CXADR: variants seen among roughly 807,000 people sequenced by gnomAD.
CXADR encodes the protein CXADR cell adhesion molecule.
Under a neutral mutation model 40.3 loss-of-function variants are expected in CXADR, and 20 were observed. The observed-to-expected ratio is 0.50, with a 90% CI of 0.35 to 0.72. The LOEUF (loss-of-function observed/expected upper bound fraction) is 0.72. Ranked by LOEUF, CXADR falls within the 30% of genes least tolerant of loss-of-function variation. The pLI, the probability that CXADR is intolerant of heterozygous loss-of-function variation, is 0.01. For synonymous variants in CXADR, 150 were observed against 161.3 expected, an observed-to-expected ratio of 0.93 and a Z score of 0.53; for missense variants, 332 against 449.1, an observed-to-expected ratio of 0.74 and a Z score of 2.36.
intron 1 of CXADR, among the ~76,000 whole-genome samples, chr21:17,520,230 G>A (rs2060513951): frequency 1.3e-5 from 2 of 152,100 alleles, no homozygotes; most frequent in African/African-American, 4.8e-5. Context: ...ACATGACATT[G>A]CAAGTTGCAA....
the CXADR span, among the ~76,000 whole-genome samples, chr21:17,614,486 G>A: frequency 1.3e-5 from 2 of 152,174 alleles, no homozygotes; most frequent in South Asian, 2.1e-4. Context: ...GCTCATGCCT[G>A]TAATCCAGTA....
intron 3 of CXADR, among the ~76,000 whole-genome samples, chr21:17,556,858 G>A (rs561419735): frequency 1.3e-5 from 2 of 152,306 alleles, no homozygotes; most frequent in East Asian, 3.9e-4. Context: ...GGTCATGGTT[G>A]ATAACCTTAG....
intron 1 of CXADR, among the ~76,000 whole-genome samples, chr21:17,529,104 T>C (rs2123155888): frequency 6.7e-6 from 1 of 148,920 alleles, no homozygotes; most frequent in Admixed American, 6.8e-5. Flanking sequence ...AGTGGCGCGA[T>C]CTAGGCTCAC....
chr21:17,525,244 G>A lies in CXADR; in HGVS notation c.43+12072G>A, dbSNP rs192417469. Among the ~76,000 whole-genome samples the A allele has an allele frequency of 2.6e-4, 39 of 152,300 alleles. No homozygotes were observed. The East Asian group carries it at 6.7e-3, about 26-fold the overall frequency. ...TTCTTTCAAAGATATTTCTTACAAA[G>A]TGGAATGGGAATGGTTTTAATTTCA... is the stretch of plus-strand genomic sequence containing the variant. On this transcript the variant is annotated intron_variant, in intron 1 of 6. Transcript: ENST00000284878.
chr21:17,566,501 A>C lies in CXADR; in HGVS notation c.*809A>C. On this transcript the variant is annotated 3_prime_UTR_variant, in exon 7 of 7. Coordinates refer to ENST00000284878, the MANE Select transcript of CXADR (RefSeq NM_001338.5). Reference sequence around the variant, plus strand: ...TGCCTTGAGATCTGTGGTGGTCTTCAAAATGGTGGCCAGCCAGATCAAGGA... The same window carrying C: ...TGCCTTGAGATCTGTGGTGGTCTTCCAAATGGTGGCCAGCCAGATCAAGGA... 1.0e-6 allele frequency: 1 copy of C among 985,424 alleles called. No homozygotes were observed. Among genetic ancestry groups the C allele is most frequent in the Non-Finnish European group, 1.2e-6 (1 of 829,910 alleles). 61.0% of individuals were successfully genotyped at this position (985,424 alleles called of 1,614,324 possible). A position where few individuals can be genotyped will look rare whatever the true frequency, so the allele number is the denominator to read the frequency against.
In CXADR at chr21:17,580,384, C is replaced by T. The variant is rs527652326; in HGVS notation, c.1018-12768C>T. On this transcript the variant is annotated intron_variant, in intron 7 of 7. Coordinates refer to the CXADR transcript ENST00000400169. Reference sequence around the variant, plus strand: ...CTATAATCCCGGCACTTTGGGAGGCCGAGGCAGGCAGATATCTCGAGCCCA... The same window carrying T: ...CTATAATCCCGGCACTTTGGGAGGCTGAGGCAGGCAGATATCTCGAGCCCA... Among the ~76,000 whole-genome samples the T allele has an allele frequency of 5.3e-5, 8 of 152,214 alleles. No individual in the cohort carries two copies. The East Asian group carries it at 5.8e-4, about 11-fold the overall frequency.
At chr21:17,585,108 T>C (rs191288811) in intron 7 of CXADR, among the ~76,000 whole-genome samples, 1 of 152,330 alleles carries the variant, frequency 6.6e-6, no homozygotes, top group East Asian at 1.9e-4. Flanking sequence ...GTCTATATTT[T>C]TTATGTGTGA....
intron 1 of CXADR, among the ~76,000 whole-genome samples, chr21:17,541,233 C>T (rs1021043036): frequency 1.1e-4 from 16 of 152,092 alleles, no homozygotes; most frequent in African/African-American, 3.6e-4. Context: ...TATAGTATTA[C>T]ACAGAAGCAT....
the CXADR span, chr21:17,608,958 A>G: frequency 3.1e-6 from 5 of 1,609,846 alleles, no homozygotes; most frequent in South Asian, 3.3e-5. Context: ...GCTTAATCCA[A>G]TCTAATCCTT....
Position 17,565,910 on chromosome 21 carries a change from G to T in CXADR, c.*218G>T. On this transcript the variant is annotated 3_prime_UTR_variant, in exon 7 of 7. Coordinates refer to ENST00000284878, the MANE Select transcript of CXADR (RefSeq NM_001338.5). ...AAAGAAAAGTTTACCATCTGAAAAA[G>T]CTGGATTTTCTTTAAGAGGTTGATT... 1 of 1,221,802 alleles carries T rather than the reference G, an allele frequency of 8.2e-7. No homozygotes were observed. The highest frequency in any genetic ancestry group is 1.0e-6 in the Non-Finnish European group (1 of 979,156). 75.7% of individuals were successfully genotyped at this position (1,221,802 alleles called of 1,614,324 possible).
chr21:17,529,708 T>C (rs1427179706), intron 1 of CXADR, among the ~76,000 whole-genome samples: 1 of 152,232 alleles, frequency 6.6e-6, no homozygotes, highest in Non-Finnish European at 1.5e-5. Context: ...TTGTTGCTTA[T>C]TCCTTCAGGT....
intron 3 of CXADR, among the ~76,000 whole-genome samples, chr21:17,555,689 G>A (rs1031698706): frequency 6.6e-6 from 1 of 152,018 alleles, no homozygotes; most frequent in African/African-American, 2.4e-5. Context: ...AATCGTGATC[G>A]CTTGGTTTAA....
chr21:17,529,949 CTTTTTT>C (rs556998750), intron 1 of CXADR, among the ~76,000 whole-genome samples: 1 of 142,892 alleles, frequency 7.0e-6, no homozygotes, highest in African/African-American at 2.5e-5. Flanking sequence ...TTTTCTTTTT[CTTTTTT>C]TTTTTTAATT....
rs532541050 is a variant in CXADR, at chr21:17,577,612, C to CTTTTTTTTTTTTTTTTTTTTTTTT, written c.1017+12006_1017+12029dup. ...CTCACACGTCAGACCATTCTGCAAG[C>CTTTTTTTTTTTTTTTTTTTTTTTT]TTTTTTTTTTTTTTTTTTTTTTTTT... On this transcript the variant is annotated intron_variant, in intron 7 of 7. Coordinates refer to the CXADR transcript ENST00000400169. 2.5e-4 allele frequency among the ~76,000 whole-genome samples: 9 copies of CTTTTTTTTTTTTTTTTTTTTTTTT among 36,576 alleles called. 2 individuals carry two copies. The highest frequency in any genetic ancestry group is 4.2e-4 in the Non-Finnish European group (8 of 18,912). The allele number at this position is 36,576 out of a possible 152,430, so 24.0% of individuals were successfully genotyped here. A position where few individuals can be genotyped will look rare whatever the true frequency, so the allele number is the denominator to read the frequency against.
At chr21:17,530,217 G>A (rs2060655249) in intron 1 of CXADR, among the ~76,000 whole-genome samples, 1 of 147,030 alleles carries the variant, frequency 6.8e-6, no homozygotes, top group African/African-American at 2.5e-5. Flanking sequence ...CACCCACCTC[G>A]GCCTCCCAAA....
rs1432587514 is a variant in CXADR at position 17,520,025 on chromosome 21, A to G, written c.43+6853A>G. Among the ~76,000 whole-genome samples, 5 of 152,194 alleles carry G rather than the reference A, an allele frequency of 3.3e-5. No homozygotes were observed. In the East Asian group the frequency reaches 9.7e-4, roughly 29 times the overall value. On this transcript the variant is annotated intron_variant, in intron 1 of 6. Coordinates refer to ENST00000284878, the MANE Select transcript of CXADR (RefSeq NM_001338.5). ...CATGCACACACACACATATATATAT[A>G]AAATATATATTTGCACCTCAACCCA...
downstream of CXADR, chr21:17,593,785 G>A: frequency 3.9e-6 from 1 of 256,566 alleles, no homozygotes; most frequent in Non-Finnish European, 7.3e-6. Context: ...AAAGGTGCTA[G>A]AACAAATCGT....
In CXADR at chr21:17,513,119, C is replaced by T. The variant is rs1187405469; in HGVS notation, c.-11C>T. ...CTACCTGCAGCCGCCGCCCACGGCA[C>T]GGCAGCCACCATGGCGCTCCTGCTG... On this transcript the variant is annotated 5_prime_UTR_variant, in exon 1 of 7. It adds an upstream start codon to the 5' untranslated region. Coordinates refer to ENST00000284878, the MANE Select transcript of CXADR (RefSeq NM_001338.5). The T allele has an allele frequency of 3.7e-6, 5 of 1,353,294 alleles. No individual in the cohort carries two copies. Among genetic ancestry groups the T allele is most frequent in the Non-Finnish European group, 2.9e-6 (3 of 1,049,674 alleles). The allele number at this position is 1,353,294 out of a possible 1,614,324, so 83.8% of individuals were successfully genotyped here.
chr21:17,514,064 G>C (rs1305210232), intron 1 of CXADR, among the ~76,000 whole-genome samples: 1 of 152,164 alleles, frequency 6.6e-6, no homozygotes, highest in African/African-American at 2.4e-5. Flanking sequence ...TTAAAAAACG[G>C]ATTTTCCATG....
Sources: allele counts gnomAD v4.1 joint callset (sites outside exome capture counted in the v4.1 genomes callset), GRCh38; gene constraint gnomAD v4.1.1; transcripts MANE v1.5; gene names NCBI Gene and HGNC (gene_info 2026-07-23, HGNC 2026-07-21).